Variants in COL6A5 observed in about 807,000 individuals in gnomAD.
COL6A5 encodes collagen alpha-5(VI) chain.
COL6A5 carries 48 observed loss-of-function variants against 65.6 expected under a neutral mutation model. The observed-to-expected ratio is 0.73, with a 90% CI of 0.58 to 0.93. The LOEUF (loss-of-function observed/expected upper bound fraction) is 0.93, where lower values mean the gene tolerates loss of function less well. Ranked by LOEUF, COL6A5 falls within the 40% of genes least tolerant of loss-of-function variation. The pLI is 0.00. For synonymous variants in COL6A5, 291 were observed against 322.8 expected, an observed-to-expected ratio of 0.90 and a Z score of 1.05; for missense variants, 914 against 928.3, an observed-to-expected ratio of 0.98 and a Z score of 0.20.
chr3:130,411,840 A>G (rs772190725), intron 20 of COL6A5, among the ~76,000 whole-genome samples: 13 of 152,082 alleles, frequency 8.5e-5, no homozygotes, highest in Non-Finnish European at 1.9e-4. Flanking sequence ...TCATCTACCC[A>G]TTTCCCTGCT....
exon 6 of COL6A5, chr3:130,468,935 A>G: frequency 6.2e-7 from 1 of 1,612,630 alleles, no homozygotes; most frequent in Non-Finnish European, 8.5e-7. Flanking sequence ...TAAGGAAGTA[A>G]AAGCTTTTAT....
intron 10 of COL6A5, among the ~76,000 whole-genome samples, chr3:130,400,321 C>G (rs1397990026): frequency 6.6e-6 from 1 of 152,226 alleles, no homozygotes; most frequent in African/African-American, 2.4e-5. Flanking sequence ...TCTTGACCCT[C>G]TGTTCCATTA....
Position 130,414,136 on chromosome 3 carries a change from G to A in COL6A5, c.4761+5G>A. On this transcript the variant is annotated splice_donor_5th_base_variant and intron_variant and NMD_transcript_variant, in intron 22 of 41. Coordinates refer to the COL6A5 transcript ENST00000312481. Reference sequence around the variant, plus strand: ...GAAGGATTACAAGGCCCACAGGTGTGTTGGAATATTTTGTAAATATTGATA... The same window carrying A: ...GAAGGATTACAAGGCCCACAGGTGTATTGGAATATTTTGTAAATATTGATA... The A allele has an allele frequency of 6.5e-7, 1 of 1,546,448 alleles. No homozygotes were observed. Among genetic ancestry groups the A allele is most frequent in the Non-Finnish European group, 8.8e-7 (1 of 1,142,486 alleles).
At chr3:130,395,722 T>C (rs183806619) in intron 8 of COL6A5, among the ~76,000 whole-genome samples, 8 of 152,324 alleles carry the variant, frequency 5.3e-5, no homozygotes, top group East Asian at 1.9e-4. Flanking sequence ...CCCTGTTCCC[T>C]CACGGCAATC....
chr3:130,397,725 G>C, exon 9 of COL6A5: 1 of 1,551,642 alleles, frequency 6.4e-7, no homozygotes, highest in South Asian at 1.2e-5. Flanking sequence ...TGAGCTGTGG[G>C]GCTGGCACAG....
intron 1 of COL6A5, 143 bp from the exon 34 acceptor site, chr3:130,439,379 G>GTGTGTGTGTGA: frequency 3.6e-6 from 2 of 553,568 alleles, no homozygotes; most frequent in Non-Finnish European, 3.3e-6. Context: ...GTGTGTGTGT[G>GTGTGTGTGTGA]AACATGCACT....
At chr3:130,477,832 TAA>T (rs1488849958) in intron 7 of COL6A5, among the ~76,000 whole-genome samples, 2 of 152,096 alleles carry the variant, frequency 1.3e-5, no homozygotes, top group Non-Finnish European at 2.9e-5. Flanking sequence ...AAATCACTGA[TAA>T]GTAGATATGG....
At chr3:130,476,024 G>A (rs1471333100) in intron 7 of COL6A5, among the ~76,000 whole-genome samples, 2 of 152,068 alleles carry the variant, frequency 1.3e-5, no homozygotes, top group African/African-American at 4.8e-5. Context: ...GAAACAGAGA[G>A]GGTGGGTTGA....
chr3:130,380,119 G>A, intron 4 of COL6A5, 69 bp downstream of exon 4: 3 of 1,156,102 alleles, frequency 2.6e-6, no homozygotes, highest in Admixed American at 2.9e-5. Flanking sequence ...TAGGGTGGGA[G>A]TGAGGATCAA....
At chr3:130,472,102 T>G (rs1207131338) in intron 7 of COL6A5, among the ~76,000 whole-genome samples, 176 bp downstream of exon 40, 2 of 151,950 alleles carry the variant, frequency 1.3e-5, no homozygotes, top group East Asian at 1.9e-4. Flanking sequence ...AGGCAAAAAA[T>G]AGTCTTTGTT....
chr3:130,426,332 C>G (rs1937601965), intron 30 of COL6A5, 35 bp from the exon 31 acceptor site: 1 of 1,550,994 alleles, frequency 6.4e-7, no homozygotes. Flanking sequence ...ACTGTACTTG[C>G]ATTTCTTTTC....
chr3:130,408,289 G>T (rs1047402721), intron 17 of COL6A5, among the ~76,000 whole-genome samples: 2 of 151,454 alleles, frequency 1.3e-5, no homozygotes, highest in Non-Finnish European at 2.9e-5. Flanking sequence ...GGCAGGGGGT[G>T]GGGGCGGGTC....
At chr3:130,413,041 G>C (rs1259189340) in intron 20 of COL6A5, among the ~76,000 whole-genome samples, 1 of 152,084 alleles carries the variant, frequency 6.6e-6, no homozygotes. Context: ...TGATAAGAGG[G>C]TGCAAATCTC....
intron 23 of COL6A5, 52 bp downstream of exon 23, chr3:130,415,759 C>A: frequency 7.2e-7 from 1 of 1,384,560 alleles, no homozygotes; most frequent in East Asian, 2.6e-5. Flanking sequence ...TTATTTTCCT[C>A]TTAGTGCAAA....
chr3:130,468,955 G>A (rs1709882585), exon 6 of COL6A5: 1 of 1,612,606 alleles, frequency 6.2e-7, no homozygotes, highest in Non-Finnish European at 8.5e-7. Flanking sequence ...TAACCTCAGT[G>A]CTTGATTACT....
At chr3:130,439,238 T>A (rs1709110116) in intron 1 of COL6A5, among the ~76,000 whole-genome samples, 1 of 152,118 alleles carries the variant, frequency 6.6e-6, no homozygotes, top group African/African-American at 2.4e-5. Flanking sequence ...AGTGAGTGAA[T>A]CTGGTCAGGT....
At chr3:130,377,221 G>A (rs1269746176) in intron 3 of COL6A5, among the ~76,000 whole-genome samples, 1 of 152,026 alleles carries the variant, frequency 6.6e-6, no homozygotes, top group South Asian at 2.1e-4. Flanking sequence ...CCACCATCAC[G>A]AAGCAAGAAA....
intron 4 of COL6A5, among the ~76,000 whole-genome samples, chr3:130,445,258 A>T (rs914680261): frequency 6.6e-6 from 1 of 152,228 alleles, no homozygotes; most frequent in Non-Finnish European, 1.5e-5. Flanking sequence ...TTCATTAATT[A>T]AATGTATTGA....
chr3:130,483,249 C>A (rs1191992932), intron 7 of COL6A5, among the ~76,000 whole-genome samples: 1 of 152,110 alleles, frequency 6.6e-6, no homozygotes, highest in Non-Finnish European at 1.5e-5. Flanking sequence ...AAAGAAAAAA[C>A]CAGTACCAGC....
Sources: allele counts gnomAD v4.1 joint callset (sites outside exome capture counted in the v4.1 genomes callset), GRCh38; gene constraint gnomAD v4.1.1; transcripts MANE v1.5; gene names NCBI Gene and HGNC (gene_info 2026-07-23, HGNC 2026-07-21).